Variants in IMMP1L observed in about 807,000 individuals in gnomAD.
IMMP1L encodes inner mitochondrial membrane peptidase subunit 1.
IMMP1L carries 24 observed loss-of-function variants against 21.8 expected under a neutral mutation model. That is an observed-to-expected ratio of 1.10 (90% confidence interval 0.80 to 1.55). The LOEUF (loss-of-function observed/expected upper bound fraction) is 1.55, where lower values mean the gene tolerates loss of function less well. Ranked by LOEUF, IMMP1L falls within the 40% of genes most tolerant of loss-of-function variation. IMMP1L has a pLI of 0.00. For missense variants in IMMP1L, 195 were observed against 200.7 expected (o/e 0.97, Z 0.17); for synonymous variants, 46 against 62.8 (o/e 0.73, Z 1.26).
intron 4 of IMMP1L, among the ~76,000 whole-genome samples, chr11:31,445,008 A>G (rs1171460887): frequency 6.6e-6 from 1 of 152,130 alleles, no homozygotes; most frequent in Non-Finnish European, 1.5e-5. Flanking sequence ...GTCTCTTTGT[A>G]AATACAATGT....
chr11:31,495,954 A>G (rs1592039527), intron 1 of IMMP1L, among the ~76,000 whole-genome samples: 3 of 152,190 alleles, frequency 2.0e-5, no homozygotes, highest in African/African-American at 4.8e-5. Context: ...ACAAAAACAA[A>G]GGTCACAAAA....
rs1953314684 is a variant in IMMP1L at position 31,441,177 on chromosome 11, A to AATTAG, written c.322-7608_322-7607insCTAAT. On this transcript the variant is annotated intron_variant, in intron 4 of 5. Coordinates refer to ENST00000532287, the MANE Select transcript of IMMP1L (RefSeq NM_001304274.2). Reference sequence around the variant, plus strand: ...TTAAAGTATACATATGTATATATACACAGAAATATATGTGTATGTGTGTCT... The same window carrying AATTAG: ...TTAAAGTATACATATGTATATATACAATTAGCAGAAATATATGTGTATGTGTGTCT... Among the ~76,000 whole-genome samples the AATTAG allele has an allele frequency of 2.0e-5, 3 of 152,160 alleles. No homozygotes were observed. In the South Asian group the frequency reaches 6.2e-4, roughly 31 times the overall value.
chr11:31,461,905 T>C (rs1195992618), intron 2 of IMMP1L, among the ~76,000 whole-genome samples: 2 of 152,176 alleles, frequency 1.3e-5, no homozygotes, highest in Non-Finnish European at 2.9e-5. Context: ...ATTTACTCTA[T>C]TTGTAAATAA....
At chr11:31,437,093 A>G (rs2133543545) in intron 4 of IMMP1L, 1 of 434,526 alleles carries the variant, frequency 2.3e-6, no homozygotes, top group Admixed American at 2.5e-5. Flanking sequence ...TTAAAATTAA[A>G]GCAGGCATCT....
intron 1 of IMMP1L, among the ~76,000 whole-genome samples, chr11:31,506,975 C>T (rs774433571): frequency 6.7e-6 from 1 of 148,824 alleles, no homozygotes; most frequent in Middle Eastern, 4.0e-3. Flanking sequence ...AAACAAAAAA[C>T]AAACAAACAA....
intron 4 of IMMP1L, among the ~76,000 whole-genome samples, chr11:31,437,857 A>G (rs1953179552): frequency 6.6e-6 from 1 of 152,050 alleles, no homozygotes; most frequent in South Asian, 2.1e-4. Flanking sequence ...CAAAGTACCT[A>G]TTTTGTGTCT....
At chr11:31,436,730 C>A (rs992567720) in intron 4 of IMMP1L, among the ~76,000 whole-genome samples, 6 of 152,038 alleles carry the variant, frequency 3.9e-5, no homozygotes, top group African/African-American at 1.5e-4. Flanking sequence ...GTGCGCCCAA[C>A]CATCGCTGGA....
At chr11:31,462,274 T>C (rs1318079725) in intron 2 of IMMP1L, among the ~76,000 whole-genome samples, 1 of 149,264 alleles carries the variant, frequency 6.7e-6, no homozygotes, top group Non-Finnish European at 1.5e-5. Context: ...TGAGATCACT[T>C]GATTGCACTC....
At chr11:31,450,947 T>C (rs954176042) in intron 4 of IMMP1L, among the ~76,000 whole-genome samples, 8 of 152,168 alleles carry the variant, frequency 5.3e-5, no homozygotes, top group Non-Finnish European at 1.2e-4. Context: ...AAGAATCTTA[T>C]GCTCTAGATC....
Position 31,456,173 on chromosome 11 carries a change from T to C in IMMP1L, c.321+87A>G, listed in dbSNP as rs1953929452. Reference sequence around the variant, plus strand: ...GCCCTTTTTTCTTACATTCAAAATATGAATAAACATTATTTTCTTTTGTCA... The same window carrying C: ...GCCCTTTTTTCTTACATTCAAAATACGAATAAACATTATTTTCTTTTGTCA... On this transcript the variant is annotated intron_variant, in intron 4 of 5. Transcript: ENST00000532287. The C allele has an allele frequency of 6.6e-6, 6 of 909,836 alleles. No individual in the cohort carries two copies. The African/African-American group carries it at 6.7e-5, about 10-fold the overall frequency. The allele number at this position is 909,836 out of a possible 1,614,324, so 56.4% of individuals were successfully genotyped here. A position where few individuals can be genotyped will look rare whatever the true frequency, so the allele number is the denominator to read the frequency against.
intron 1 of IMMP1L, among the ~76,000 whole-genome samples, chr11:31,469,299 G>A (rs1003676733): frequency 5.3e-5 from 8 of 151,758 alleles, no homozygotes; most frequent in Non-Finnish European, 8.8e-5. Context: ...AGAGCAACAG[G>A]TGATTCAGGT....
chr11:31,447,554 G>A (rs1343320687), intron 4 of IMMP1L, among the ~76,000 whole-genome samples: 1 of 152,194 alleles, frequency 6.6e-6, no homozygotes, highest in African/African-American at 2.4e-5. Context: ...ATAATTGTAA[G>A]TACTTTGTTA....
intron 1 of IMMP1L, among the ~76,000 whole-genome samples, chr11:31,489,116 C>T (rs1042880028): frequency 4.6e-5 from 7 of 151,964 alleles, no homozygotes; most frequent in Admixed American, 3.9e-4. Context: ...CCAGGATGCT[C>T]TTGATTTCCT....
intron 4 of IMMP1L, among the ~76,000 whole-genome samples, chr11:31,440,865 C>G (rs1953303079): frequency 6.6e-6 from 1 of 152,080 alleles, no homozygotes; most frequent in South Asian, 2.1e-4. Context: ...ATTTGCCAAA[C>G]TCAGCAGGCA....
chr11:31,464,612 G>A (rs933089537), intron 1 of IMMP1L, among the ~76,000 whole-genome samples: 16 of 152,244 alleles, frequency 1.1e-4, no homozygotes, highest in African/African-American at 3.9e-4. Context: ...ATTTATCCCA[G>A]GGATGCAAGG....
At chr11:31,451,282 T>C (rs1301089568) in intron 4 of IMMP1L, among the ~76,000 whole-genome samples, 1 of 152,032 alleles carries the variant, frequency 6.6e-6, no homozygotes, top group East Asian at 1.9e-4. Context: ...AGGATGACCT[T>C]AGCTGCGGTG....
intron 1 of IMMP1L, among the ~76,000 whole-genome samples, chr11:31,493,773 T>C (rs976268855): frequency 7.9e-5 from 12 of 152,204 alleles, no homozygotes; most frequent in African/African-American, 2.7e-4. Flanking sequence ...ATGGTAGAAA[T>C]TGGCCAAAAC....
chr11:31,505,972 A>C (rs966260654), intron 1 of IMMP1L, among the ~76,000 whole-genome samples: 10 of 152,208 alleles, frequency 6.6e-5, no homozygotes. Context: ...ATTAGCAGTT[A>C]AGTTTGGGAG....
At chr11:31,470,818 A>G (rs538792945) in intron 1 of IMMP1L, among the ~76,000 whole-genome samples, 1 of 152,366 alleles carries the variant, frequency 6.6e-6, no homozygotes, top group South Asian at 2.1e-4. Context: ...CCTGTCAAAC[A>G]AGGCAACATG....
Sources: allele counts gnomAD v4.1 joint callset (sites outside exome capture counted in the v4.1 genomes callset), GRCh38; gene constraint gnomAD v4.1.1; transcripts MANE v1.5; gene names NCBI Gene and HGNC (gene_info 2026-07-23, HGNC 2026-07-21).